Variants in POLH observed in about 807,000 individuals in gnomAD.
POLH encodes the protein DNA polymerase eta transcript.
In POLH, 53 loss-of-function variants were observed where a neutral mutation model predicts 73.6. The ratio of observed to expected loss-of-function variants is 0.72; its 90% CI spans 0.58 to 0.91. The LOEUF (loss-of-function observed/expected upper bound fraction) is 0.91, where lower values mean the gene tolerates loss of function less well. Among genes scored for constraint, POLH ranks in the 40% least tolerant of loss-of-function variants. POLH has a pLI of 0.00. For synonymous variants in POLH, 292 were observed against 308.5 expected (o/e 0.95, Z 0.56); for missense variants, 768 against 865.4 (o/e 0.89, Z 1.41).
At chr6:43,599,114 G>A (rs573601142) in intron 5 of POLH, among the ~76,000 whole-genome samples, 2 of 148,934 alleles carry the variant, frequency 1.3e-5, no homozygotes, top group African/African-American at 2.5e-5. Context: ...TCAGCCTCCC[G>A]AGTAGCTGGG....
chr6:43,578,309 C>A, intron 1 of POLH: 1 of 323,502 alleles, frequency 3.1e-6, no homozygotes, highest in East Asian at 1.1e-4. Context: ...ATCGCTTGAA[C>A]CCGGGAGGCG....
intron 6 of POLH, among the ~76,000 whole-genome samples, chr6:43,602,995 C>CTTTTTT (rs59306548): frequency 1.8e-5 from 2 of 114,018 alleles, no homozygotes; most frequent in African/African-American, 3.9e-5. Context: ...TTATGTATTC[C>CTTTTTT]TTTTTTTTTT....
rs9296417 is a variant in POLH at position 43,587,097 on chromosome 6, T to C, written c.273-175T>C. ...GATTCTTCCTTTTCCATGCTTCTATTATTGACCATCTGCCTGCCGATTGAC... is the reference window on the plus strand; with the variant it reads ...GATTCTTCCTTTTCCATGCTTCTATCATTGACCATCTGCCTGCCGATTGAC... On this transcript the variant is annotated intron_variant, in intron 3 of 10. Transcript: ENST00000372236. Among the ~76,000 whole-genome samples the C allele has an allele frequency of 0.018, 2,802 of 152,308 alleles. 103 individuals are homozygous for C. Among genetic ancestry groups the C allele is most frequent in the African/African-American group, 0.063 (2,615 of 41,562 alleles).
chr6:43,604,914 C>T (rs567355538), intron 8 of POLH, among the ~76,000 whole-genome samples, 176 bp downstream of exon 8: 2 of 152,118 alleles, frequency 1.3e-5, no homozygotes, highest in East Asian at 1.9e-4. Flanking sequence ...TTTTCTCTTT[C>T]GTCTATCGAA....
chr6:43,606,526 T>G (rs778113726), intron 9 of POLH, among the ~76,000 whole-genome samples: 1 of 152,072 alleles, frequency 6.6e-6, no homozygotes, highest in African/African-American at 2.4e-5. Flanking sequence ...CCTCCCAAAT[T>G]CAAGCGATTC....
chr6:43,581,291 C>G (rs1322210741), intron 1 of POLH, among the ~76,000 whole-genome samples: 3 of 146,504 alleles, frequency 2.0e-5, no homozygotes, highest in Admixed American at 1.3e-4. Context: ...ACATCTCAGA[C>G]GATGGGCGGG....
chr6:43,610,778 C>A, intron 10 of POLH, 55 bp downstream of exon 10: 1 of 1,423,288 alleles, frequency 7.0e-7, no homozygotes, highest in Non-Finnish European at 9.8e-7. Flanking sequence ...TTAGCTCTGT[C>A]TTAGCTCTAC....
intron 5 of POLH, among the ~76,000 whole-genome samples, chr6:43,599,925 G>A (rs1484190271): frequency 1.3e-5 from 2 of 152,012 alleles, no homozygotes; most frequent in East Asian, 1.9e-4. Context: ...TTGGGATCCC[G>A]AGGCTGGTGG....
intron 1 of POLH, among the ~76,000 whole-genome samples, chr6:43,580,220 T>C (rs1285645367): frequency 7.1e-6 from 1 of 141,562 alleles, no homozygotes; most frequent in Non-Finnish European, 1.5e-5. Context: ...GAGCACAGGG[T>C]TGGGGGTAAG....
chr6:43,619,428 CT>C lies in POLH; in HGVS notation c.*4872del, dbSNP rs1249951239. On this transcript the variant is annotated 3_prime_UTR_variant, in exon 11 of 11. Coordinates refer to ENST00000372236, the MANE Select transcript of POLH (RefSeq NM_006502.3). ...TCACTGTATACGTGGCCTTTTCCCC[CT>C]AACTAGCTATGTAGCTTCTTAAAGG... Among the ~76,000 whole-genome samples the C allele has an allele frequency of 1.3e-5, 2 of 150,098 alleles. No individual in the cohort carries two copies. Among genetic ancestry groups the C allele is most frequent in the African/African-American group, 2.5e-5 (1 of 40,740 alleles).
rs769582858 is a variant in POLH, at chr6:43,600,963, G to T, written c.661-25G>T. ...ACTTTGATGGGTTGACAGTAATGAG[G>T]TTTTTATACTTTGCATGCTTCCAGG... On this transcript the variant is annotated intron_variant, in intron 5 of 10. Coordinates refer to ENST00000372236, the MANE Select transcript of POLH (RefSeq NM_006502.3). The T allele has an allele frequency of 1.2e-5, 18 of 1,506,448 alleles. No individual in the cohort carries two copies. In the South Asian group the frequency reaches 1.9e-4, roughly 16 times the overall value. The allele number at this position is 1,506,448 out of a possible 1,614,324, so 93.3% of individuals were successfully genotyped here.
chr6:43,610,656 C>T lies in POLH; in HGVS notation c.1177C>T (p.His393Tyr). 6.2e-7 allele frequency: 1 copy of T among 1,613,748 alleles called. No individual in the cohort carries two copies. The highest frequency in any genetic ancestry group is 1.7e-5 in the Admixed American group (1 of 60,008). Residue 393 changes from histidine (H) to tyrosine (Y), a missense_variant, in exon 10 of 11, where the codon CAC becomes TAC. Coordinates refer to ENST00000372236, the MANE Select transcript of POLH (RefSeq NM_006502.3). ...CTGTGCCCTTACCCGCTATGATGCTCACAAGATGAGCCATGATGCATTTAC... is the reference window on the plus strand; with the variant it reads ...CTGTGCCCTTACCCGCTATGATGCTTACAAGATGAGCCATGATGCATTTAC... The part of the protein sequence containing the change: ...RCCALTRYDA[H>Y]KMSHDAFTVI...
chr6:43,579,349 G>A (rs567700818), intron 1 of POLH, among the ~76,000 whole-genome samples: 1 of 152,324 alleles, frequency 6.6e-6, no homozygotes, highest in South Asian at 2.1e-4. Flanking sequence ...CAGTCTATTA[G>A]TATTAGATCA....
intron 4 of POLH, among the ~76,000 whole-genome samples, chr6:43,593,240 A>G (rs1561903302): frequency 6.6e-6 from 1 of 152,222 alleles, no homozygotes; most frequent in Non-Finnish European, 1.5e-5. Context: ...CTCATGTATC[A>G]AAAGACTAAA....
intron 1 of POLH, among the ~76,000 whole-genome samples, chr6:43,577,587 C>T (rs1219302428): frequency 1.3e-5 from 2 of 151,804 alleles, no homozygotes; most frequent in Non-Finnish European, 2.9e-5. Flanking sequence ...TTCCACTCAC[C>T]TTCCTGCTTT....
At chr6:43,606,993 G>GA (rs1199378067) in intron 9 of POLH, among the ~76,000 whole-genome samples, 2 of 152,204 alleles carry the variant, frequency 1.3e-5, no homozygotes, top group Non-Finnish European at 2.9e-5. Flanking sequence ...GGTCTTTTGT[G>GA]AAAATATGTG....
At chr6:43,591,720 G>A (rs1765484055) in intron 4 of POLH, among the ~76,000 whole-genome samples, 1 of 150,296 alleles carries the variant, frequency 6.7e-6, no homozygotes, top group Non-Finnish European at 1.5e-5. Flanking sequence ...TTAAAAATTT[G>A]TTGAAAGCTA....
chr6:43,581,933 C>T (rs2127772551), intron 1 of POLH, among the ~76,000 whole-genome samples: 1 of 148,612 alleles, frequency 6.7e-6, no homozygotes, highest in South Asian at 2.3e-4. Flanking sequence ...ATCTTAAAAA[C>T]TGTTTTTTCC....
At chr6:43,584,708 C>T (rs1764613683) in intron 3 of POLH, among the ~76,000 whole-genome samples, 1 of 152,192 alleles carries the variant, frequency 6.6e-6, no homozygotes, top group South Asian at 2.1e-4. Flanking sequence ...CATCACAAGT[C>T]CAGGCCTTTA....
Sources: allele counts gnomAD v4.1 joint callset (sites outside exome capture counted in the v4.1 genomes callset), GRCh38; gene constraint gnomAD v4.1.1; transcripts MANE v1.5; gene names NCBI Gene and HGNC (gene_info 2026-07-23, HGNC 2026-07-21).